Variants in CSMD1 observed in about 807,000 individuals in gnomAD.
CSMD1 encodes CUB and Sushi multiple domains 1.
A neutral mutation model predicts 417.5 loss-of-function variants in CSMD1; 213 were observed. The ratio of observed to expected loss-of-function variants is 0.51; its 90% CI spans 0.46 to 0.57. CSMD1 has a LOEUF of 0.57. Among genes scored for constraint, CSMD1 ranks in the 20% least tolerant of loss-of-function variants. The pLI, the probability that CSMD1 is intolerant of heterozygous loss-of-function variation, is 0.00. For synonymous variants in CSMD1, 2,862 were observed against 1,736.8 expected (o/e 1.65, Z -16.11); for missense variants, 6,923 against 4,529.7 (o/e 1.53, Z -15.17).
intron 10 of CSMD1, among the ~76,000 whole-genome samples, chr8:3,519,801 C>A (rs948147805): frequency 6.7e-6 from 1 of 148,462 alleles, no homozygotes; most frequent in East Asian, 2.0e-4. Context: ...AATAAATTAA[C>A]TGCTACATTA....
intron 3 of CSMD1, among the ~76,000 whole-genome samples, chr8:4,349,463 G>C (rs763313861): frequency 1.2e-4 from 19 of 152,232 alleles, no homozygotes; most frequent in Admixed American, 2.6e-4. Flanking sequence ...ATATGTCTCA[G>C]GTTATATAGG....
intron 3 of CSMD1, among the ~76,000 whole-genome samples, chr8:4,295,394 T>C (rs867279051): frequency 1.4e-5 from 2 of 144,780 alleles, no homozygotes; most frequent in South Asian, 4.5e-4. Context: ...ACATATAATC[T>C]TAAGATTATA....
At chr8:3,921,450 G>A (rs1809256104) in intron 5 of CSMD1, among the ~76,000 whole-genome samples, 2 of 151,670 alleles carry the variant, frequency 1.3e-5, no homozygotes, top group South Asian at 4.1e-4. Flanking sequence ...AGCTTGGTTT[G>A]TTCTTTTCCT....
At chr8:3,741,778 G>A (rs1425129118) in intron 6 of CSMD1, among the ~76,000 whole-genome samples, 1 of 152,122 alleles carries the variant, frequency 6.6e-6, no homozygotes, top group East Asian at 1.9e-4. Flanking sequence ...GTGGGAATAT[G>A]CCCATTTCTC....
chr8:3,039,234 G>A (rs550845650), intron 50 of CSMD1, among the ~76,000 whole-genome samples: 3 of 138,884 alleles, frequency 2.2e-5, no homozygotes, highest in South Asian at 4.2e-4. Context: ...TTCTCAGCCC[G>A]CAAAATCTGA....
intron 7 of CSMD1, among the ~76,000 whole-genome samples, chr8:3,618,978 G>C (rs781311562): frequency 3.9e-5 from 6 of 152,116 alleles, no homozygotes; most frequent in Non-Finnish European, 8.8e-5. Context: ...GATGAGGAAG[G>C]GCGGCATAAT....
chr8:4,259,430 C>G (rs575353958), intron 3 of CSMD1, among the ~76,000 whole-genome samples: 1 of 152,058 alleles, frequency 6.6e-6, no homozygotes, highest in Admixed American at 6.5e-5. Flanking sequence ...TATACCAGGA[C>G]CCATCCCAGC....
At chr8:3,471,638 C>T (rs1366808342) in intron 11 of CSMD1, among the ~76,000 whole-genome samples, 2 of 147,516 alleles carry the variant, frequency 1.4e-5, no homozygotes, top group African/African-American at 2.5e-5. Flanking sequence ...CTCTCCCTCC[C>T]TTCTTCCTCT....
chr8:4,676,547 C>G (rs2130962644), intron 1 of CSMD1, among the ~76,000 whole-genome samples: 1 of 152,338 alleles, frequency 6.6e-6, no homozygotes, highest in Non-Finnish European at 1.5e-5. Flanking sequence ...TACATCATCA[C>G]TAGCACCAGT....
rs940431034 is a variant in CSMD1 at position 4,542,251 on chromosome 8, C to A, written c.302+95091G>T. 4.6e-5 allele frequency among the ~76,000 whole-genome samples: 7 copies of A among 151,864 alleles called. No individual in the cohort carries two copies. The East Asian group carries it at 1.2e-3, about 25-fold the overall frequency. On this transcript the variant is annotated intron_variant, in intron 2 of 69. Transcript: ENST00000635120. ...GGAAGAAAGAATCAAGTTAAAATAC[C>A]TTTTTTTTGAAATATTAGGATAAAC... is the stretch of plus-strand genomic sequence containing the variant.
intron 1 of CSMD1, among the ~76,000 whole-genome samples, chr8:4,739,601 G>A (rs769668131): frequency 6.6e-6 from 1 of 152,064 alleles, no homozygotes; most frequent in African/African-American, 2.4e-5. Flanking sequence ...CTTTGGGTCC[G>A]AGAAACCCAC....
At chr8:4,004,794 G>C (rs1326149085) in intron 4 of CSMD1, among the ~76,000 whole-genome samples, 1 of 152,088 alleles carries the variant, frequency 6.6e-6, no homozygotes, top group Non-Finnish European at 1.5e-5. Context: ...GCCCAGGCTG[G>C]AGTGCAGTGG....
intron 6 of CSMD1, among the ~76,000 whole-genome samples, chr8:3,741,582 A>G (rs1030504171): frequency 2.6e-5 from 4 of 152,206 alleles, no homozygotes; most frequent in Non-Finnish European, 4.4e-5. Context: ...TTCAAGATTA[A>G]CTGTTTGTTA....
chr8:3,120,703 C>CGGG lies in CSMD1; in HGVS notation c.6242-2117_6242-2116insCCC, dbSNP rs145611759. Among the ~76,000 whole-genome samples the CGGG allele has an allele frequency of 5.1e-3, 707 of 138,322 alleles. 6 individuals are homozygous for CGGG. The highest frequency in any genetic ancestry group is 0.019 in the African/African-American group (625 of 32,602). 90.7% of individuals were successfully genotyped at this position (138,322 alleles called of 152,430 possible). A position where few individuals can be genotyped will look rare whatever the true frequency, so the allele number is the denominator to read the frequency against. ...CTCTACTAAAAATACAAAAATTAGC[C>CGGG]AGGGGGGGTGACCGGCACCTGTAAT... is the stretch of plus-strand genomic sequence containing the variant. On this transcript the variant is annotated intron_variant, in intron 41 of 69. Transcript: ENST00000635120.
intron 3 of CSMD1, among the ~76,000 whole-genome samples, chr8:4,181,010 AG>A (rs1798340823): frequency 6.6e-6 from 1 of 152,202 alleles, no homozygotes. Context: ...ATGGAATAAA[AG>A]CAAAAAAGTC....
At chr8:3,945,835 G>A (rs1051889405) in intron 5 of CSMD1, among the ~76,000 whole-genome samples, 3 of 151,956 alleles carry the variant, frequency 2.0e-5, no homozygotes, top group African/African-American at 7.2e-5. Flanking sequence ...TAGTATAAAA[G>A]GTAAATATTG....
At chr8:4,523,092 G>T (rs1365011722) in intron 2 of CSMD1, among the ~76,000 whole-genome samples, 1 of 152,116 alleles carries the variant, frequency 6.6e-6, no homozygotes, top group Non-Finnish European at 1.5e-5. Flanking sequence ...CCAACCTTTT[G>T]GTGGGTGGTA....
intron 10 of CSMD1, among the ~76,000 whole-genome samples, chr8:3,534,954 T>C (rs978615488): frequency 2.6e-5 from 4 of 152,126 alleles, no homozygotes; most frequent in African/African-American, 9.7e-5. Context: ...TATTTACTTA[T>C]TTATTTATTT....
intron 3 of CSMD1, among the ~76,000 whole-genome samples, chr8:4,076,506 G>C (rs572421789): frequency 2.0e-5 from 3 of 152,278 alleles, no homozygotes; most frequent in South Asian, 2.1e-4. Context: ...AGAAATGTAA[G>C]TATATATGAA....
Sources: gnomAD v4.1 joint callset for allele counts (sites outside exome capture counted in the v4.1 genomes callset) on GRCh38, gnomAD v4.1.1 for gene constraint, MANE v1.5 for transcripts, NCBI Gene and HGNC (gene_info 2026-07-23, HGNC 2026-07-21) for gene names.